RYR1: variants seen among roughly 807,000 people sequenced by gnomAD.
The protein encoded by RYR1 is central core disease of muscle.
In RYR1, 342 loss-of-function variants were observed where a neutral mutation model predicts 583.5. The ratio of observed to expected loss-of-function variants is 0.59; its 90% CI spans 0.54 to 0.64. The LOEUF (loss-of-function observed/expected upper bound fraction) is 0.64. Among genes scored for constraint, RYR1 ranks in the 30% least tolerant of loss-of-function variants. The pLI, the probability that RYR1 is intolerant of heterozygous loss-of-function variation, is 0.00. For missense variants in RYR1, 6,032 were observed against 6,917.2 expected, an observed-to-expected ratio of 0.87 and a Z score of 4.54; for synonymous variants, 2,791 against 2,822.5, an observed-to-expected ratio of 0.99 and a Z score of 0.35.
intron 25 of RYR1, 39 bp downstream of exon 25, chr19:38,467,851 G>T (rs749639779): frequency 1.2e-6 from 2 of 1,601,068 alleles, no homozygotes; most frequent in South Asian, 1.1e-5. Context: ...CAGGTCCTGT[G>T]GTCTCTCCCA....
At chr19:38,575,988 C>T (rs1353916245) in intron 97 of RYR1, 27 bp downstream of exon 97, 3 of 1,614,046 alleles carry the variant, frequency 1.9e-6, no homozygotes, top group Non-Finnish European at 2.5e-6. Flanking sequence ...GCCCTGGGTC[C>T]TGGATTGGGT....
At chr19:38,443,340 C>T (rs1972783693) in intron 3 of RYR1, among the ~76,000 whole-genome samples, 1 of 152,134 alleles carries the variant, frequency 6.6e-6, no homozygotes, top group Admixed American at 6.5e-5. Flanking sequence ...ATAAAATGCT[C>T]CATCCATAGG....
In RYR1 at chr19:38,495,849, G is replaced by A. The variant is rs561739170; in HGVS notation, c.6549-366G>A. On this transcript the variant is annotated intron_variant, in intron 39 of 105. Transcript: ENST00000359596. ...GCAATGTCTGCTCACTGCAACCTCC[G>A]CATACCGGGTTCAAGCGATTCTCCC... Among the ~76,000 whole-genome samples the A allele has an allele frequency of 7.2e-5, 11 of 152,020 alleles. No individual in the cohort carries two copies. In the East Asian group the frequency reaches 1.2e-3, roughly 16 times the overall value.
At chr19:38,562,827 C>G (rs966301460) in intron 90 of RYR1, among the ~76,000 whole-genome samples, 22 of 152,226 alleles carry the variant, frequency 1.4e-4, no homozygotes, top group African/African-American at 4.8e-4. Context: ...TCTTCCCATG[C>G]CGCCACGCCC....
Position 38,522,178 on chromosome 19 carries a change from T to C in RYR1, c.10260-850T>C, listed in dbSNP as rs58350220. ...ACACAAGTGTGTTCATTTGTGATAA[T>C]TCACCAGGTTGATATTTCTTAATAT... On this transcript the variant is annotated intron_variant, in intron 67 of 105. Transcript: ENST00000359596. Among the ~76,000 whole-genome samples the C allele has an allele frequency of 9.0e-3, 1,366 of 152,306 alleles. 20 individuals are homozygous for C. Among genetic ancestry groups the C allele is most frequent in the African/African-American group, 0.031 (1,306 of 41,568 alleles).
chr19:38,586,603 T>G (rs1263655394), intron 105 of RYR1, 27 bp downstream of exon 105: 1 of 1,609,048 alleles, frequency 6.2e-7, no homozygotes, highest in Non-Finnish European at 8.5e-7. Flanking sequence ...GGGAGGACAG[T>G]GGGCAGGACG....
intron 61 of RYR1, 47 bp downstream of exon 61, chr19:38,511,657 C>A: frequency 6.3e-7 from 1 of 1,595,652 alleles, no homozygotes; most frequent in Non-Finnish European, 8.6e-7. Flanking sequence ...CTTTCTCTTC[C>A]CCACCCTGAA....
chr19:38,561,055 A>C lies in RYR1; in HGVS notation c.12283-58A>C, dbSNP rs898390511. On this transcript the variant is annotated intron_variant, in intron 89 of 105. Coordinates refer to ENST00000359596, the MANE Select transcript of RYR1 (RefSeq NM_000540.3). This position sits in a 1 kb window ranked among gnomAD's most constrained non-coding sequence, Gnocchi z 4.8. ...GACCTTGTCTTAAAAAAAAAAAAAA[A>C]AAGAGAGAGAATTGAGGCTCTCCAG... 6.9e-7 allele frequency: 1 copy of C among 1,448,402 alleles called. No homozygotes were observed. The highest frequency in any genetic ancestry group is 9.4e-7 in the Non-Finnish European group (1 of 1,060,784). 89.7% of individuals were successfully genotyped at this position (1,448,402 alleles called of 1,614,324 possible).
chr19:38,457,383 A>G, intron 16 of RYR1, 114 bp from the exon 17 acceptor site: 1 of 1,486,734 alleles, frequency 6.7e-7, no homozygotes, highest in Non-Finnish European at 9.4e-7. Flanking sequence ...CAAAATTGCC[A>G]CATCTTATCC....
At chr19:38,532,851 A>G (rs1971803286) in intron 78 of RYR1, 115 bp downstream of exon 78, 3 of 1,039,316 alleles carry the variant, frequency 2.9e-6, no homozygotes, top group Middle Eastern at 3.0e-4. Context: ...AGCAGTGACC[A>G]AGTCAGTCCA....
intron 49 of RYR1, 94 bp downstream of exon 49, chr19:38,503,064 C>A: frequency 8.1e-7 from 1 of 1,241,994 alleles, no homozygotes; most frequent in Non-Finnish European, 1.2e-6. Flanking sequence ...GTCGGCACTG[C>A]CCAGCCCAAT....
intron 81 of RYR1, chr19:38,535,723 C>T: frequency 1.7e-6 from 1 of 592,864 alleles, no homozygotes; most frequent in Non-Finnish European, 3.0e-6. Context: ...CTTTATTCAC[C>T]TCTTGCTGCC....
rs1294484789 is a variant in RYR1 at position 38,507,844 on chromosome 19, C to G, written c.8932+17C>G. On this transcript the variant is annotated intron_variant, in intron 58 of 105. Transcript: ENST00000359596. The stretch of plus-strand genomic sequence containing the variant: ...CCCACCTGGGTACGGAGAAATACCC[C>G]CCGCTTATGCCCGCCCCACCTGCAG... The G allele has an allele frequency of 9.5e-6, 14 of 1,476,514 alleles. No individual in the cohort carries two copies. Among genetic ancestry groups the G allele is most frequent in the Admixed American group, 1.7e-5 (1 of 57,742 alleles). The allele number at this position is 1,476,514 out of a possible 1,614,324, so 91.5% of individuals were successfully genotyped here.
At chr19:38,545,250 C>T (rs569409328) in intron 87 of RYR1, among the ~76,000 whole-genome samples, 7 of 152,050 alleles carry the variant, frequency 4.6e-5, no homozygotes, top group Non-Finnish European at 1.0e-4. Context: ...GGATGGGGGA[C>T]TCCGCAGGTG....
intron 56 of RYR1, 99 bp from the exon 57 acceptor site, chr19:38,506,730 A>G: frequency 6.6e-7 from 1 of 1,514,430 alleles, no homozygotes; most frequent in Admixed American, 1.8e-5. Context: ...TATCTTCTTT[A>G]TCACCATAAT....
chr19:38,502,668 T>G lies in RYR1; in HGVS notation c.7776T>G (p.Gly2592=). The G allele has an allele frequency of 6.2e-7, 1 of 1,607,782 alleles. No individual in the cohort carries two copies. Among genetic ancestry groups the G allele is most frequent in the Admixed American group, 1.7e-5 (1 of 59,622 alleles). The change falls in exon 48 of 106, where the codon GGT becomes GGG. Residue 2592 remains glycine (G), a synonymous_variant. Transcript: ENST00000359596. Reference sequence around the variant, plus strand: ...ATACCGTGTACCGCCTGTCTCGGGGTCGTTCGCTCACCAAGGCGCAGCGTG... The same window carrying G: ...ATACCGTGTACCGCCTGTCTCGGGGGCGTTCGCTCACCAAGGCGCAGCGTG... The part of the protein sequence containing the change: ...MLHTVYRLSR[G]RSLTKAQRDV...
chr19:38,531,749 T>C (rs1857419721), intron 76 of RYR1, among the ~76,000 whole-genome samples: 1 of 151,914 alleles, frequency 6.6e-6, no homozygotes, highest in Non-Finnish European at 1.5e-5. Context: ...TACAAAAAAA[T>C]GGAAAAATTA....
chr19:38,465,314 A>C (rs1020735413), intron 23 of RYR1, among the ~76,000 whole-genome samples: 1 of 151,908 alleles, frequency 6.6e-6, no homozygotes, highest in African/African-American at 2.4e-5. Flanking sequence ...AAAATTTAAA[A>C]ATTAGCAGGA....
chr19:38,523,793 C>T, intron 69 of RYR1, 122 bp from the exon 70 acceptor site: 1 of 1,322,934 alleles, frequency 7.6e-7, no homozygotes, highest in South Asian at 1.2e-5. Context: ...AAATGCCCAG[C>T]TAGAGAATAC....
Sources: gnomAD v4.1 joint callset for allele counts (sites outside exome capture counted in the v4.1 genomes callset) on GRCh38, gnomAD v4.1.1 for gene constraint, Gnocchi (gnomAD v3.1) non-coding constraint, MANE v1.5 for transcripts, NCBI Gene and HGNC (gene_info 2026-07-23, HGNC 2026-07-21) for gene names.